The following RAP1GDS1 variants were observed in gnomAD, a reference collection of about 807,000 sequenced individuals.
RAP1GDS1 encodes RAP1, GTP-GDP dissociation stimulator 1.
A neutral mutation model predicts 71.1 loss-of-function variants in RAP1GDS1; 35 were observed. The observed-to-expected ratio is 0.49, with a 90% confidence interval of 0.38 to 0.65. The LOEUF is 0.65. RAP1GDS1 is among the 30% of genes least tolerant of loss of function. The probability of loss-of-function intolerance (pLI) is 0.00; values close to 1 mark genes in which losing one functional copy is unlikely to be tolerated. For missense variants in RAP1GDS1, 663 were observed against 706.1 expected (o/e 0.94, Z 0.69); for synonymous variants, 229 against 243.1 (o/e 0.94, Z 0.54).
intron 2 of RAP1GDS1, among the ~76,000 whole-genome samples, chr4:98,308,156 ATGTG>A (rs1009990837): frequency 1.3e-5 from 2 of 148,838 alleles, no homozygotes; most frequent in African/African-American, 2.5e-5. Flanking sequence ...GTGTGTATAT[ATGTG>A]TGTGTGTGTG....
At chr4:98,437,187 G>A (rs1751251450) in intron 14 of RAP1GDS1, 119 bp downstream of exon 14, 2 of 1,079,422 alleles carry the variant, frequency 1.9e-6, no homozygotes, top group Non-Finnish European at 1.2e-6. Flanking sequence ...AGTTTATGGA[G>A]GTTATAAGAT....
At chr4:98,297,594 G>A (rs990643874) in intron 2 of RAP1GDS1, among the ~76,000 whole-genome samples, 11 of 152,130 alleles carry the variant, frequency 7.2e-5, no homozygotes, top group Non-Finnish European at 1.3e-4. Flanking sequence ...CGTGAACCAT[G>A]CCCATGTATG....
intron 2 of RAP1GDS1, among the ~76,000 whole-genome samples, chr4:98,313,963 A>G (rs1037390465): frequency 4.6e-5 from 7 of 152,174 alleles, no homozygotes; most frequent in Admixed American, 1.3e-4. Flanking sequence ...TTAAAGAGAC[A>G]TAAGGATTCA....
chr4:98,339,523 C>CT (rs534543350), intron 2 of RAP1GDS1, among the ~76,000 whole-genome samples: 11 of 148,010 alleles, frequency 7.4e-5, no homozygotes, highest in South Asian at 2.1e-4. Context: ...AAGAGTCTAC[C>CT]TTTTTTTTTT....
chr4:98,305,292 C>A (rs372395762), intron 2 of RAP1GDS1, among the ~76,000 whole-genome samples: 2 of 152,004 alleles, frequency 1.3e-5, no homozygotes, highest in South Asian at 2.1e-4. Context: ...ATTGATTCTT[C>A]CTATCCATGA....
intron 3 of RAP1GDS1, among the ~76,000 whole-genome samples, chr4:98,345,150 A>G (rs983068446): frequency 6.6e-6 from 1 of 152,186 alleles, no homozygotes; most frequent in Admixed American, 6.5e-5. Context: ...GTTCTTTTCA[A>G]AAGAAATACG....
At chr4:98,413,580 T>C (rs1747429404) in intron 7 of RAP1GDS1, among the ~76,000 whole-genome samples, 1 of 151,632 alleles carries the variant, frequency 6.6e-6, no homozygotes, top group Non-Finnish European at 1.5e-5. Context: ...TAGTATTCCA[T>C]GGTGTATATG....
intron 4 of RAP1GDS1, among the ~76,000 whole-genome samples, chr4:98,368,928 C>G (rs75980349): frequency 0.018 from 2,776 of 152,198 alleles, 92 homozygotes; most frequent in African/African-American, 0.061. Context: ...GTCTGTTTCA[C>G]ATGCTAGTCA....
rs1429901650 is a variant in RAP1GDS1 at position 98,365,321 on chromosome 4, A to T, written c.361+12720A>T. On this transcript the variant is annotated intron_variant, in intron 4 of 14. Transcript: ENST00000408927. Reference sequence around the variant, plus strand: ...CTTTACACACAAGGTGTATAAAGAAAAATTAAAATTGAGCCAGGCATCATG... The same window carrying T: ...CTTTACACACAAGGTGTATAAAGAATAATTAAAATTGAGCCAGGCATCATG... 4.9e-4 allele frequency among the ~76,000 whole-genome samples: 74 copies of T among 152,056 alleles called. 1 individual carries two copies. Among genetic ancestry groups the T allele is most frequent in the Admixed American group, 6.5e-5 (1 of 15,280 alleles).
intron 3 of RAP1GDS1, among the ~76,000 whole-genome samples, chr4:98,346,434 G>C (rs523459): frequency 6.6e-6 from 1 of 152,006 alleles, no homozygotes; most frequent in African/African-American, 2.4e-5. Context: ...GTGTGCCCTA[G>C]AAAAATCATT....
chr4:98,334,594 T>C (rs193202812), intron 2 of RAP1GDS1, among the ~76,000 whole-genome samples: 1 of 152,298 alleles, frequency 6.6e-6, no homozygotes, highest in African/African-American at 2.4e-5. Flanking sequence ...AGAGATACTT[T>C]ATATTGTTTC....
chr4:98,286,264 C>CAA (rs752872418), intron 1 of RAP1GDS1, among the ~76,000 whole-genome samples: 4 of 102,778 alleles, frequency 3.9e-5, no homozygotes, highest in African/African-American at 7.2e-5. Flanking sequence ...GACCCTGTCT[C>CAA]AAAAAAAAAA....
intron 12 of RAP1GDS1, among the ~76,000 whole-genome samples, chr4:98,432,419 C>T (rs1187608141): frequency 5.3e-5 from 8 of 152,090 alleles, no homozygotes. Flanking sequence ...AATTCTGTGT[C>T]TGTTTCAAAT....
At chr4:98,337,380 C>G (rs971778973) in intron 2 of RAP1GDS1, among the ~76,000 whole-genome samples, 1 of 152,170 alleles carries the variant, frequency 6.6e-6, no homozygotes, top group Non-Finnish European at 1.5e-5. Context: ...TTTGGCAAAT[C>G]AGGTCAAAAT....
chr4:98,325,421 G>C (rs1476379501), intron 2 of RAP1GDS1, among the ~76,000 whole-genome samples: 4 of 150,730 alleles, frequency 2.7e-5, no homozygotes, highest in African/African-American at 9.8e-5. Flanking sequence ...CCCATTACTG[G>C]GTATATACCC....
intron 1 of RAP1GDS1, among the ~76,000 whole-genome samples, chr4:98,287,212 A>G (rs1314479560): frequency 2.0e-5 from 3 of 152,182 alleles, no homozygotes; most frequent in East Asian, 1.9e-4. Flanking sequence ...GTAGGGTTCT[A>G]TGTACCTAGA....
At chr4:98,426,531 A>G (rs377071594) in intron 12 of RAP1GDS1, among the ~76,000 whole-genome samples, 8 of 152,178 alleles carry the variant, frequency 5.3e-5, no homozygotes, top group Non-Finnish European at 8.8e-5. Context: ...GAAATGGGAA[A>G]TACTACAACT....
intron 14 of RAP1GDS1, among the ~76,000 whole-genome samples, chr4:98,439,499 C>T (rs944498734): frequency 6.6e-6 from 1 of 152,108 alleles, no homozygotes; most frequent in South Asian, 2.1e-4. Context: ...TCTTCAGGTA[C>T]TTTTCAGCCC....
intron 2 of RAP1GDS1, among the ~76,000 whole-genome samples, chr4:98,335,040 C>T (rs1734516479): frequency 6.6e-6 from 1 of 151,722 alleles, no homozygotes; most frequent in African/African-American, 2.4e-5. Flanking sequence ...CTGGATTTTC[C>T]TCGATATACT....
Sources: allele counts gnomAD v4.1 joint callset (sites outside exome capture counted in the v4.1 genomes callset), GRCh38; gene constraint gnomAD v4.1.1; transcripts MANE v1.5; gene names NCBI Gene and HGNC (gene_info 2026-07-23, HGNC 2026-07-21).